Variants in GRHL2 observed in about 807,000 individuals in gnomAD.
The protein encoded by GRHL2 is grainyhead-like protein 2 homolog.
GRHL2 carries 21 observed loss-of-function variants against 83.8 expected under a neutral mutation model. The observed-to-expected ratio is 0.25, with a 90% CI of 0.18 to 0.36. The LOEUF (loss-of-function observed/expected upper bound fraction) is 0.36, where lower values mean the gene tolerates loss of function less well. Ranked by LOEUF, GRHL2 falls within the 10% of genes least tolerant of loss-of-function variation. The pLI, the probability that GRHL2 is intolerant of heterozygous loss-of-function variation, is 1.00. For missense variants in GRHL2, 623 were observed against 781.8 expected (o/e 0.80, Z 2.42); for synonymous variants, 280 against 278.9 (o/e 1.00, Z -0.04).
chr8:101,663,635 A>AAATT (rs150381418), intron 14 of GRHL2, among the ~76,000 whole-genome samples: 3 of 151,324 alleles, frequency 2.0e-5, no homozygotes, highest in East Asian at 1.9e-4. Context: ...ATAAATAAAT[A>AAATT]AATAAATAAA....
intron 2 of GRHL2, 130 bp downstream of exon 2, chr8:101,543,566 G>T: frequency 2.4e-6 from 2 of 840,952 alleles, no homozygotes; most frequent in Non-Finnish European, 2.0e-6. Context: ...ATAGAATTCA[G>T]CCTCTTCCTG....
intron 7 of GRHL2, among the ~76,000 whole-genome samples, chr8:101,590,520 T>C (rs1243924594): frequency 6.6e-6 from 1 of 152,198 alleles, no homozygotes; most frequent in Admixed American, 6.5e-5. Context: ...CCTTCCACTA[T>C]GAGACTAGCA....
chr8:101,552,802 C>T lies in GRHL2; in HGVS notation c.284+20C>T. The T allele has an allele frequency of 1.2e-6, 2 of 1,609,518 alleles. No homozygotes were observed. Among genetic ancestry groups the T allele is most frequent in the Non-Finnish European group, 1.7e-6 (2 of 1,176,684 alleles). On this transcript the variant is annotated intron_variant, in intron 3 of 15. Transcript: ENST00000646743. ...GAAAAGGTAAAGGAATTTGCCTGGC[C>T]CCCAGAATAACTCTATGTTTTCTAA... is the stretch of plus-strand genomic sequence containing the variant.
intron 14 of GRHL2, among the ~76,000 whole-genome samples, chr8:101,652,433 T>TG (rs1413152818): frequency 9.2e-5 from 4 of 43,260 alleles, no homozygotes; most frequent in Non-Finnish European, 1.9e-4. Flanking sequence ...GTGGTGTGTG[T>TG]GTCTGGTGTG....
the GRHL2 span, among the ~76,000 whole-genome samples, chr8:101,675,052 C>T: frequency 4.6e-5 from 7 of 152,210 alleles, no homozygotes; most frequent in South Asian, 2.1e-4. Flanking sequence ...ATTGATGGGA[C>T]GTATCTCAAA....
At chr8:101,601,790 A>G (rs1812519771) in intron 8 of GRHL2, among the ~76,000 whole-genome samples, 1 of 152,224 alleles carries the variant, frequency 6.6e-6, no homozygotes, top group Admixed American at 6.5e-5. Flanking sequence ...ACTACTGAAG[A>G]GCATTTAATG....
intron 6 of GRHL2, among the ~76,000 whole-genome samples, chr8:101,574,722 G>A (rs1300417342): frequency 6.6e-6 from 1 of 152,252 alleles, no homozygotes; most frequent in Non-Finnish European, 1.5e-5. Flanking sequence ...GGTGTGCTGT[G>A]TGCCCATCAG....
At chr8:101,494,939 A>G (rs985577548) in intron 1 of GRHL2, among the ~76,000 whole-genome samples, 1 of 152,224 alleles carries the variant, frequency 6.6e-6, no homozygotes, top group African/African-American at 2.4e-5. Flanking sequence ...AATCGTTACA[A>G]TGGTGCAAGG....
intron 12 of GRHL2, among the ~76,000 whole-genome samples, chr8:101,642,548 G>A (rs1325657014): frequency 2.6e-5 from 4 of 152,128 alleles, no homozygotes; most frequent in South Asian, 2.1e-4. Context: ...GTTCCAAGAC[G>A]TTACACAGTA....
intron 8 of GRHL2, among the ~76,000 whole-genome samples, chr8:101,614,544 C>T (rs1812816713): frequency 6.6e-6 from 1 of 151,934 alleles, no homozygotes; most frequent in Non-Finnish European, 1.5e-5. Context: ...ATCAAGGCTT[C>T]CACCGAAGTG....
chr8:101,631,860 G>A, intron 10 of GRHL2, 136 bp downstream of exon 10: 1 of 753,234 alleles, frequency 1.3e-6, no homozygotes, highest in South Asian at 1.5e-5. Flanking sequence ...CCTGGCAGTG[G>A]AGACAGGGTG....
intron 13 of GRHL2, among the ~76,000 whole-genome samples, chr8:101,647,870 C>T (rs916872547): frequency 9.5e-4 from 143 of 150,718 alleles, no homozygotes; most frequent in Non-Finnish European, 1.6e-3. Flanking sequence ...GAAGTCCCCC[C>T]AGGATTGGGA....
intron 8 of GRHL2, among the ~76,000 whole-genome samples, chr8:101,609,481 A>C (rs1466537043): frequency 6.6e-6 from 1 of 151,088 alleles, no homozygotes; most frequent in Admixed American, 6.6e-5. Context: ...TGCTGCTAAG[A>C]AGGCTGCCCT....
rs557423047 is a variant in GRHL2 at position 101,597,732 on chromosome 8, A to C, written c.1004-1325A>C. Among the ~76,000 whole-genome samples, 180 of 152,034 alleles carry C rather than the reference A, an allele frequency of 1.2e-3. 1 individual carries two copies. The highest frequency in any genetic ancestry group is 2.0e-3 in the Non-Finnish European group (136 of 67,976). ...CATTAGGAGATATACCTAATGCTAA[A>C]TGACAAGTTAATGGGTGCAGCACAC... On this transcript the variant is annotated intron_variant, in intron 7 of 15. Coordinates refer to ENST00000646743, the MANE Select transcript of GRHL2 (RefSeq NM_024915.4).
rs186957846 is a variant in GRHL2 at position 101,664,804 on chromosome 8, A to G, written c.1763+286A>G. ...GGAGGTGCTGTGGACACTGGGGAGA[A>G]TGGCAAAATCACCTTTCTGCAGGGA... On this transcript the variant is annotated intron_variant, in intron 15 of 15. Transcript: ENST00000646743. 2.9e-4 allele frequency among the ~76,000 whole-genome samples: 44 copies of G among 152,166 alleles called. No homozygotes were observed. In the East Asian group the frequency reaches 8.0e-3, roughly 28 times the overall value.
At chr8:101,651,927 G>T (rs1813629207) in intron 14 of GRHL2, among the ~76,000 whole-genome samples, 1 of 152,196 alleles carries the variant, frequency 6.6e-6, no homozygotes, top group South Asian at 2.1e-4. Context: ...CTGTGCAAGA[G>T]AAGTTCCTCC....
In GRHL2 at chr8:101,621,447, A is replaced by G. The variant is rs529495416; in HGVS notation, c.1257+1750A>G. Among the ~76,000 whole-genome samples the G allele has an allele frequency of 1.1e-4, 16 of 152,330 alleles. No individual in the cohort carries two copies. In the East Asian group the frequency reaches 1.5e-3, roughly 15 times the overall value. On this transcript the variant is annotated intron_variant, in intron 9 of 15. Transcript: ENST00000646743. ...AGGAATTTAGAAATAAAAGATTAAA[A>G]TAGATTAGAATTAAAAACTATGCTA...
intron 7 of GRHL2, among the ~76,000 whole-genome samples, chr8:101,578,148 A>G (rs1586112840): frequency 1.3e-5 from 2 of 152,276 alleles, no homozygotes; most frequent in Admixed American, 1.3e-4. Flanking sequence ...ATGCCCAATA[A>G]TTCACTGGGC....
At chr8:101,496,778 G>A (rs993234797) in intron 1 of GRHL2, among the ~76,000 whole-genome samples, 1 of 152,024 alleles carries the variant, frequency 6.6e-6, no homozygotes, top group Non-Finnish European at 1.5e-5. Context: ...TGAAGTGAGG[G>A]ATCAAGCCCT....
Sources: allele counts gnomAD v4.1 joint callset (sites outside exome capture counted in the v4.1 genomes callset), GRCh38; gene constraint gnomAD v4.1.1; transcripts MANE v1.5; gene names NCBI Gene and HGNC (gene_info 2026-07-23, HGNC 2026-07-21).